Variants in TAMM41 observed in about 807,000 individuals in gnomAD.
TAMM41 encodes phosphatidate cytidylyltransferase, mitochondrial.
In TAMM41, 36 loss-of-function variants were observed where a neutral mutation model predicts 44.1. The observed-to-expected ratio is 0.82, with a 90% CI of 0.63 to 1.08. The LOEUF (loss-of-function observed/expected upper bound fraction) is 1.08, where lower values mean the gene tolerates loss of function less well. Among genes scored for constraint, TAMM41 ranks in the 50% least tolerant of loss-of-function variants. TAMM41 has a pLI of 0.00. For missense variants in TAMM41, 417 were observed against 404.3 expected, an observed-to-expected ratio of 1.03 and a Z score of -0.27; for synonymous variants, 164 against 153.1, an observed-to-expected ratio of 1.07 and a Z score of -0.53.
the TAMM41 span, among the ~76,000 whole-genome samples, chr3:11,779,001 G>A: frequency 3.0e-4 from 45 of 152,216 alleles, no homozygotes; most frequent in Admixed American, 2.1e-3. Context: ...GATGCCCAAC[G>A]TTGGAAATGG....
the TAMM41 span, among the ~76,000 whole-genome samples, chr3:11,737,560 T>C: frequency 6.6e-6 from 1 of 152,076 alleles, no homozygotes; most frequent in African/African-American, 2.4e-5. Context: ...CCTCAGGTGA[T>C]CCGCCCGCCT....
chr3:11,749,078 A>C, the TAMM41 span, among the ~76,000 whole-genome samples: 17 of 151,580 alleles, frequency 1.1e-4, no homozygotes, highest in Non-Finnish European at 1.6e-4. Flanking sequence ...ACACCTGGCT[A>C]ATTTTTGTAT....
intron 5 of TAMM41, among the ~76,000 whole-genome samples, chr3:11,813,888 A>ATGTGTATATATGTATATATG (rs1306838230): frequency 4.7e-5 from 7 of 150,002 alleles, no homozygotes; most frequent in East Asian, 3.9e-4. Flanking sequence ...ATATGTATAT[A>ATGTGTATATATGTATATATG]TGTGTATATA....
the TAMM41 span, among the ~76,000 whole-genome samples, chr3:11,776,443 G>A: frequency 1.3e-5 from 2 of 152,044 alleles, no homozygotes; most frequent in Admixed American, 1.3e-4. Flanking sequence ...GTGGACCACT[G>A]TGCCTGACTT....
At chr3:11,743,400 C>G in the TAMM41 span, among the ~76,000 whole-genome samples, 1 of 150,322 alleles carries the variant, frequency 6.7e-6, no homozygotes, top group East Asian at 1.9e-4. Context: ...GTCGCACAAT[C>G]TTAGCTCACT....
chr3:11,822,963 C>G (rs1426025589), intron 4 of TAMM41, among the ~76,000 whole-genome samples: 1 of 152,176 alleles, frequency 6.6e-6, no homozygotes, highest in Non-Finnish European at 1.5e-5. Context: ...GGCTTTTTTC[C>G]AAAGCAGCTG....
rs1410052944 is a variant in TAMM41 at position 11,833,066 on chromosome 3, G to A, written c.412-3202C>T. On this transcript the variant is annotated intron_variant, in intron 3 of 7. Coordinates refer to ENST00000455809, the MANE Select transcript of TAMM41 (RefSeq NM_001284401.2). ...TGCTGATCTGGTTCTTCAATGAAAG[G>A]TGAACTAGGAACTTGTCTCAGCAGC... The A allele has an allele frequency of 3.2e-6, 4 of 1,237,340 alleles. 1 individual carries two copies. Among genetic ancestry groups the A allele is most frequent in the South Asian group, 2.7e-5 (2 of 72,812 alleles). 76.6% of individuals were successfully genotyped at this position (1,237,340 alleles called of 1,614,324 possible). A position where few individuals can be genotyped will look rare whatever the true frequency, so the allele number is the denominator to read the frequency against.
chr3:11,750,176 G>A, the TAMM41 span, among the ~76,000 whole-genome samples: 3 of 152,212 alleles, frequency 2.0e-5, no homozygotes, highest in South Asian at 6.2e-4. Flanking sequence ...GATTACAGGC[G>A]TGAGCCACTG....
chr3:11,771,685 C>A, the TAMM41 span, among the ~76,000 whole-genome samples: 2 of 151,220 alleles, frequency 1.3e-5, no homozygotes, highest in East Asian at 3.9e-4. Context: ...CAGGTTCAAG[C>A]GATTCTCCTG....
chr3:11,739,548 G>A, the TAMM41 span, among the ~76,000 whole-genome samples: 6,992 of 151,804 alleles, frequency 0.046, 499 homozygotes, highest in African/African-American at 0.16. Flanking sequence ...GGCTCACTCC[G>A]ATAATCCCAG....
the TAMM41 span, among the ~76,000 whole-genome samples, chr3:11,746,030 G>T: frequency 6.6e-6 from 1 of 152,196 alleles, no homozygotes; most frequent in Non-Finnish European, 1.5e-5. Context: ...GCCGGGCGCG[G>T]TCGCTCACGC....
chr3:11,742,972 C>T, the TAMM41 span, among the ~76,000 whole-genome samples: 1 of 152,090 alleles, frequency 6.6e-6, no homozygotes, highest in Admixed American at 6.6e-5. Context: ...AAGACTAAAG[C>T]CAGAAAAACT....
rs374760296 is a variant in TAMM41, at chr3:11,829,790, G to A, written c.486C>T (p.Thr162=). ...TTTCGGGGAGCATGAGGAAAGCAGC[G>A]GTCACAGCACTCTTCAGATTTCTAT... is the stretch of plus-strand genomic sequence containing the variant. ...ALDRNLKSAV[T]AAFLMLPESF... The change falls in exon 4 of 8, where the codon ACC becomes ACT. Residue 162 remains threonine (T), a synonymous_variant. Coordinates refer to ENST00000455809, the MANE Select transcript of TAMM41 (RefSeq NM_001284401.2). The A allele has an allele frequency of 3.1e-5, 50 of 1,613,926 alleles. No individual in the cohort carries two copies. Among genetic ancestry groups the A allele is most frequent in the African/African-American group, 2.0e-4 (15 of 74,912 alleles).
At chr3:11,783,174 ATAT>A in the TAMM41 span, among the ~76,000 whole-genome samples, 2 of 152,176 alleles carry the variant, frequency 1.3e-5, no homozygotes, top group African/African-American at 2.4e-5. Flanking sequence ...TTGGGCTCTG[ATAT>A]TATTGCACTT....
chr3:11,797,455 C>T (rs1441492358), intron 7 of TAMM41, among the ~76,000 whole-genome samples: 1 of 152,074 alleles, frequency 6.6e-6, no homozygotes, highest in African/African-American at 2.4e-5. Context: ...TGCTGAAGAT[C>T]GAAACTGGAC....
At chr3:11,830,356 A>G (rs1236031560) in intron 3 of TAMM41, among the ~76,000 whole-genome samples, 1 of 152,226 alleles carries the variant, frequency 6.6e-6, no homozygotes, top group Non-Finnish European at 1.5e-5. Context: ...AACTAGCTAC[A>G]GTAGAAAAAG....
chr3:11,820,717 T>A (rs1313860029), intron 4 of TAMM41, among the ~76,000 whole-genome samples: 2 of 152,190 alleles, frequency 1.3e-5, no homozygotes, highest in Non-Finnish European at 2.9e-5. Flanking sequence ...AACAATCAAT[T>A]TTTCTTACCT....
At chr3:11,770,311 C>A in the TAMM41 span, among the ~76,000 whole-genome samples, 1 of 152,112 alleles carries the variant, frequency 6.6e-6, no homozygotes, top group African/African-American at 2.4e-5. Flanking sequence ...AAAACATGCA[C>A]CCTACCACTA....
At chr3:11,841,601 T>G (rs545331494) in intron 2 of TAMM41, among the ~76,000 whole-genome samples, 3 of 152,342 alleles carry the variant, frequency 2.0e-5, no homozygotes, top group African/African-American at 7.2e-5. Flanking sequence ...TTACTGGAAC[T>G]TATAATATTC....
Sources: allele counts gnomAD v4.1 joint callset (sites outside exome capture counted in the v4.1 genomes callset), GRCh38; gene constraint gnomAD v4.1.1; transcripts MANE v1.5; gene names NCBI Gene and HGNC (gene_info 2026-07-23, HGNC 2026-07-21).